KCNN3: variants seen among roughly 807,000 people sequenced by gnomAD.
KCNN3 encodes small conductance calcium-activated potassium channel protein 3.
Under a neutral mutation model 62.9 loss-of-function variants are expected in KCNN3, and 16 were observed. The observed-to-expected ratio is 0.25, with a 90% confidence interval of 0.17 to 0.39. The LOEUF is 0.39. KCNN3 is among the 10% of genes least tolerant of loss of function. The pLI is 1.00. For synonymous variants in KCNN3, 370 were observed against 389.2 expected (o/e 0.95, Z 0.58); for missense variants, 599 against 949.4 (o/e 0.63, Z 4.85).
chr1:154,765,432 A>ACATTC (rs1183794654), intron 3 of KCNN3, among the ~76,000 whole-genome samples: 1 of 152,144 alleles, frequency 6.6e-6, no homozygotes, highest in African/African-American at 2.4e-5. Flanking sequence ...GTTTGTCTCC[A>ACATTC]CATTCCACAT....
At chr1:154,808,170 T>C (rs1224430109) in intron 2 of KCNN3, among the ~76,000 whole-genome samples, 1 of 152,154 alleles carries the variant, frequency 6.6e-6, no homozygotes, top group Non-Finnish European at 1.5e-5. Flanking sequence ...CCCCAACCCC[T>C]TCTCATAGAT....
intron 2 of KCNN3, among the ~76,000 whole-genome samples, chr1:154,785,836 T>A (rs1649259516): frequency 6.6e-6 from 1 of 152,004 alleles, no homozygotes; most frequent in African/African-American, 2.4e-5. Flanking sequence ...CCTAGCCTCA[T>A]ATGATCAGCC....
chr1:154,743,607 G>A (rs1700874852), intron 3 of KCNN3, among the ~76,000 whole-genome samples: 1 of 152,174 alleles, frequency 6.6e-6, no homozygotes, highest in Admixed American at 6.5e-5. Context: ...ATACACAGTC[G>A]GTGGAAAGCG....
At chr1:154,848,377 C>G (rs1652165757) in intron 1 of KCNN3, among the ~76,000 whole-genome samples, 2 of 152,070 alleles carry the variant, frequency 1.3e-5, no homozygotes, top group African/African-American at 4.8e-5. Context: ...TGGGTTCAAG[C>G]CTTCATTCCT....
At chr1:154,783,946 G>A (rs1649170178) in intron 2 of KCNN3, among the ~76,000 whole-genome samples, 2 of 152,204 alleles carry the variant, frequency 1.3e-5, no homozygotes, top group African/African-American at 4.8e-5. Context: ...GGAGCAACAG[G>A]AACAGGAAGG....
At position 154,790,462 on chromosome 1, in the gene KCNN3, C is replaced by A. The variant is rs186207744; in HGVS notation, c.1030-18069G>T. Among the ~76,000 whole-genome samples the A allele has an allele frequency of 4.1e-3, 619 of 152,342 alleles. 4 individuals carry two copies. Among genetic ancestry groups the A allele is most frequent in the African/African-American group, 0.013 (561 of 41,582 alleles). On this transcript the variant is annotated intron_variant, in intron 2 of 7. Transcript: ENST00000271915. The stretch of plus-strand genomic sequence containing the variant: ...ACACTTACATTAGCCTACATTTGAG[C>A]AAAATCATCTATCACAAAGCCTATT...
chr1:154,810,116 T>G (rs948171321), intron 2 of KCNN3, among the ~76,000 whole-genome samples: 2 of 152,182 alleles, frequency 1.3e-5, no homozygotes, highest in Non-Finnish European at 1.5e-5. Context: ...TGGGTCCAGC[T>G]TAGGGGAGTT....
intron 2 of KCNN3, among the ~76,000 whole-genome samples, chr1:154,796,499 G>A (rs1649739944): frequency 1.3e-5 from 2 of 152,170 alleles, no homozygotes; most frequent in Admixed American, 6.5e-5. Flanking sequence ...TGCACACAGA[G>A]ATGTCTAGAT....
At chr1:154,734,365 C>T (rs1253369447) in intron 3 of KCNN3, among the ~76,000 whole-genome samples, 1 of 152,212 alleles carries the variant, frequency 6.6e-6, no homozygotes, top group Non-Finnish European at 1.5e-5. Context: ...ACCAAACCTA[C>T]TAGGCTGGAT....
intron 3 of KCNN3, among the ~76,000 whole-genome samples, chr1:154,766,870 CG>C (rs1286366706): frequency 6.6e-6 from 1 of 151,648 alleles, no homozygotes; most frequent in African/African-American, 2.4e-5. Context: ...TTAGTAGAGA[CG>C]GGGGTTTCAC....
In KCNN3 at chr1:154,698,540, G is replaced by C. The variant is rs1158655752; in HGVS notation, c.*9436C>G. On this transcript the variant is annotated 3_prime_UTR_variant, in exon 8 of 8. Coordinates refer to ENST00000271915, the MANE Select transcript of KCNN3 (RefSeq NM_002249.6). ...AATGTGTCCTTGAGCTTTGAGCACA[G>C]CAATGGAAACCTGGCGACTCTTCCT... 1 of 152,242 alleles carries C rather than the reference G, an allele frequency of 6.6e-6. No individual in the cohort carries two copies. The highest frequency in any genetic ancestry group is 1.5e-5 in the Non-Finnish European group (1 of 68,056). The allele number at this position is 152,242 out of a possible 1,614,324, so 9.4% of individuals were successfully genotyped here. A position where few individuals can be genotyped will look rare whatever the true frequency, so the allele number is the denominator to read the frequency against.
chr1:154,795,358 A>G (rs1777930), intron 2 of KCNN3, among the ~76,000 whole-genome samples: 130,886 of 152,168 alleles, frequency 0.86, 56,461 homozygotes, highest in East Asian at 0.99. Context: ...ACATAAGAGC[A>G]CACACAGGGG....
At chr1:154,720,341 G>A (rs975522120) in intron 5 of KCNN3, among the ~76,000 whole-genome samples, 2 of 152,246 alleles carry the variant, frequency 1.3e-5, no homozygotes, top group Non-Finnish European at 2.9e-5. Flanking sequence ...TGTGCGTGAT[G>A]TAATTTATAA....
chr1:154,705,498 G>A lies in KCNN3; in HGVS notation c.*2478C>T, dbSNP rs912389512. On this transcript the variant is annotated 3_prime_UTR_variant, in exon 8 of 8. Transcript: ENST00000271915. ...GTCCATGTGTTTCTAGGATGCCAGT[G>A]GCTACTGCTACCAGAAATAACTCCA... The A allele has an allele frequency of 1.3e-5, 2 of 152,008 alleles. No homozygotes were observed. The highest frequency in any genetic ancestry group is 1.3e-4 in the Admixed American group (2 of 15,270). 9.4% of individuals were successfully genotyped at this position (152,008 alleles called of 1,614,324 possible). A position where few individuals can be genotyped will look rare whatever the true frequency, so the allele number is the denominator to read the frequency against.
intron 3 of KCNN3, among the ~76,000 whole-genome samples, chr1:154,743,126 T>TCCAGCCCCACCCTCTCACCTGGA (rs1415517970): frequency 1.3e-5 from 2 of 150,158 alleles, no homozygotes; most frequent in East Asian, 4.0e-4. Context: ...TCTCACCTTG[T>TCCAGCCCCACCCTCTCACCTGGA]CCAGCCCCAC....
chr1:154,752,706 A>G (rs1318445604), intron 3 of KCNN3, among the ~76,000 whole-genome samples: 1 of 152,168 alleles, frequency 6.6e-6, no homozygotes, highest in African/African-American at 2.4e-5. Flanking sequence ...GAGGCTGGGC[A>G]CTGTAGCAGA....
At chr1:154,858,580 G>A (rs1652631201) in intron 1 of KCNN3, among the ~76,000 whole-genome samples, 1 of 152,200 alleles carries the variant, frequency 6.6e-6, no homozygotes, top group Non-Finnish European at 1.5e-5. Flanking sequence ...CCTGCCGCCT[G>A]GAGCAGGGCT....
chr1:154,838,567 T>C (rs566631645), intron 1 of KCNN3, among the ~76,000 whole-genome samples: 7 of 152,268 alleles, frequency 4.6e-5, no homozygotes, highest in African/African-American at 1.7e-4. Flanking sequence ...CCTCAACCTT[T>C]CCATGTGCTT....
At position 154,869,614 on chromosome 1, in the gene KCNN3, G is replaced by C. The variant is rs781367114; in HGVS notation, c.351C>G (p.Thr117=). The change falls in exon 1 of 8, where the codon ACC becomes ACG. Residue 117 remains threonine, a synonymous_variant. Coordinates refer to ENST00000271915, the MANE Select transcript of KCNN3 (RefSeq NM_002249.6). This position sits in a 1 kb window ranked among gnomAD's most constrained non-coding sequence, Gnocchi z 6.1. ...AFRAPPSSNS[T]AILHPSSRQG... ...GCCTGGAGGAAGGGTGGAGGATGGC[G>C]GTGGAGTTGGACGAAGGGGGGGCCC... 6.2e-7 allele frequency: 1 copy of C among 1,614,070 alleles called. No individual in the cohort carries two copies. Among genetic ancestry groups the C allele is most frequent in the Non-Finnish European group, 8.5e-7 (1 of 1,179,980 alleles).
Sources: gnomAD v4.1 joint callset for allele counts (sites outside exome capture counted in the v4.1 genomes callset) on GRCh38, gnomAD v4.1.1 for gene constraint, Gnocchi (gnomAD v3.1) non-coding constraint, MANE v1.5 for transcripts, NCBI Gene and HGNC (gene_info 2026-07-23, HGNC 2026-07-21) for gene names.